The following CFAP299 variants were observed in gnomAD, a reference collection of about 807,000 sequenced individuals.
The protein encoded by CFAP299 is cilia- and flagella-associated protein 299.
Under a neutral mutation model 27.0 loss-of-function variants are expected in CFAP299, and 21 were observed. That is an observed-to-expected ratio of 0.78 (90% CI 0.55 to 1.12). The LOEUF (loss-of-function observed/expected upper bound fraction) is 1.12, where lower values mean the gene tolerates loss of function less well. Ranked by LOEUF, CFAP299 falls within the 50% of genes most tolerant of loss-of-function variation. The pLI is 0.00. For synonymous variants in CFAP299, 104 were observed against 98.1 expected (o/e 1.06, Z -0.36); for missense variants, 310 against 276.6 (o/e 1.12, Z -0.86).
chr4:80,521,917 T>C (rs558673558), intron 2 of CFAP299, among the ~76,000 whole-genome samples: 2 of 152,214 alleles, frequency 1.3e-5, no homozygotes, highest in South Asian at 2.1e-4. Flanking sequence ...GTGATGATGC[T>C]GATACAAACA....
chr4:80,422,323 C>G (rs558418114), intron 2 of CFAP299, among the ~76,000 whole-genome samples: 70 of 152,076 alleles, frequency 4.6e-4, no homozygotes, highest in Non-Finnish European at 5.9e-4. Context: ...AAATAAGTAG[C>G]TTTTCCCCTC....
chr4:80,781,674 A>G (rs1325525100), intron 3 of CFAP299, among the ~76,000 whole-genome samples: 1 of 152,086 alleles, frequency 6.6e-6, no homozygotes, highest in Admixed American at 6.6e-5. Context: ...TACTTGAGGT[A>G]TTTGATATGA....
chr4:80,863,150 C>T (rs1303207572), intron 3 of CFAP299, among the ~76,000 whole-genome samples: 1 of 151,528 alleles, frequency 6.6e-6, no homozygotes, highest in Non-Finnish European at 1.5e-5. Flanking sequence ...AGCTCTCATT[C>T]CCTGGAAAAG....
intron 3 of CFAP299, among the ~76,000 whole-genome samples, chr4:80,737,329 AAAAAT>A (rs1009929425): frequency 1.3e-5 from 2 of 152,144 alleles, no homozygotes; most frequent in Non-Finnish European, 2.9e-5. Flanking sequence ...TAAATGAAAA[AAAAAT>A]AAAATAAAAA....
chr4:80,473,233 T>A (rs1305714465), intron 2 of CFAP299, among the ~76,000 whole-genome samples: 2 of 152,100 alleles, frequency 1.3e-5, no homozygotes, highest in Non-Finnish European at 2.9e-5. Flanking sequence ...AGCTGAGACC[T>A]TACAGATGAG....
At chr4:80,507,739 C>G (rs1732105488) in intron 2 of CFAP299, among the ~76,000 whole-genome samples, 1 of 152,158 alleles carries the variant, frequency 6.6e-6, no homozygotes, top group Non-Finnish European at 1.5e-5. Context: ...GTTTGATGCT[C>G]TTACACCCTG....
intron 2 of CFAP299, among the ~76,000 whole-genome samples, chr4:80,575,628 C>A (rs1441857201): frequency 6.6e-6 from 1 of 151,278 alleles, no homozygotes; most frequent in African/African-American, 2.4e-5. Context: ...TTGTTTTCTT[C>A]ATTTCAATTT....
At chr4:80,772,164 A>G (rs1477833790) in intron 3 of CFAP299, among the ~76,000 whole-genome samples, 1 of 152,186 alleles carries the variant, frequency 6.6e-6, no homozygotes, top group Admixed American at 6.5e-5. Context: ...AAACACCTTT[A>G]AGGTATCAGC....
Position 80,944,949 on chromosome 4 carries a change from C to A in CFAP299, c.606+10C>A. 1 of 1,607,462 alleles carries A rather than the reference C, an allele frequency of 6.2e-7. No individual in the cohort carries two copies. The highest frequency in any genetic ancestry group is 8.5e-7 in the Non-Finnish European group (1 of 1,176,122). On this transcript the variant is annotated intron_variant, in intron 5 of 5. Coordinates refer to ENST00000358105, the MANE Select transcript of CFAP299 (RefSeq NM_152770.3). ...TAATGTGGACCCAAAGGTAATTCTT[C>A]TTTTACACTTAGTTAGTTACCTCTT... is the stretch of plus-strand genomic sequence containing the variant.
the CFAP299 span, among the ~76,000 whole-genome samples, chr4:80,321,832 TAAG>T: frequency 6.6e-6 from 1 of 151,850 alleles, no homozygotes; most frequent in Admixed American, 6.6e-5. Context: ...CCAAGAATAA[TAAG>T]GAGGTCATTG....
intron 3 of CFAP299, among the ~76,000 whole-genome samples, chr4:80,855,653 G>A (rs951467292): frequency 8.6e-5 from 13 of 152,000 alleles, no homozygotes; most frequent in Admixed American, 7.2e-4. Flanking sequence ...GAGAATATGC[G>A]GTGTTTAGTT....
chr4:80,328,168 A>C, the CFAP299 span, among the ~76,000 whole-genome samples: 1 of 152,214 alleles, frequency 6.6e-6, no homozygotes, highest in South Asian at 2.1e-4. Context: ...GTGATGATAA[A>C]TATAGATTAC....
chr4:80,858,084 C>T (rs1435367608), intron 3 of CFAP299, among the ~76,000 whole-genome samples: 1 of 152,082 alleles, frequency 6.6e-6, no homozygotes, highest in African/African-American at 2.4e-5. Context: ...ACAATTTCAG[C>T]TCCTGTTATT....
chr4:80,715,850 T>C (rs1228495874), intron 3 of CFAP299, among the ~76,000 whole-genome samples: 3 of 152,040 alleles, frequency 2.0e-5, no homozygotes, highest in African/African-American at 7.2e-5. Context: ...AGGGCTGTAA[T>C]GCTGATAAAT....
At chr4:80,824,916 T>C (rs1026052136) in intron 3 of CFAP299, among the ~76,000 whole-genome samples, 7 of 151,938 alleles carry the variant, frequency 4.6e-5, no homozygotes, top group African/African-American at 1.7e-4. Flanking sequence ...AACAAAAAAT[T>C]TCTCCAGAAA....
intron 2 of CFAP299, among the ~76,000 whole-genome samples, chr4:80,580,054 C>T (rs2109867424): frequency 6.6e-6 from 1 of 152,194 alleles, no homozygotes; most frequent in East Asian, 1.9e-4. Flanking sequence ...GTATCAATTA[C>T]AGGTTTTTAT....
intron 4 of CFAP299, among the ~76,000 whole-genome samples, chr4:80,908,904 GCACACA>G (rs150862436): frequency 5.3e-5 from 8 of 150,140 alleles, no homozygotes; most frequent in Non-Finnish European, 6.0e-5. Flanking sequence ...ATACACGCAA[GCACACA>G]CACACACACA....
intron 3 of CFAP299, among the ~76,000 whole-genome samples, chr4:80,611,887 G>T (rs1738002108): frequency 4.6e-5 from 7 of 152,064 alleles, no homozygotes; most frequent in Admixed American, 4.6e-4. Flanking sequence ...CCCAAGCAGA[G>T]AATTCTTCAA....
intron 3 of CFAP299, among the ~76,000 whole-genome samples, chr4:80,837,570 A>G (rs1013032561): frequency 2.0e-5 from 3 of 152,070 alleles, no homozygotes; most frequent in African/African-American, 7.3e-5. Context: ...TTTGCTGAGA[A>G]TAATGTTTTC....
Sources: gnomAD v4.1 joint callset for allele counts (sites outside exome capture counted in the v4.1 genomes callset) on GRCh38, gnomAD v4.1.1 for gene constraint, MANE v1.5 for transcripts, NCBI Gene and HGNC (gene_info 2026-07-23, HGNC 2026-07-21) for gene names.